TMEM19: variants seen among roughly 807,000 people sequenced by gnomAD.
TMEM19 encodes transmembrane protein 19.
TMEM19 carries 21 observed loss-of-function variants against 33.6 expected under a neutral mutation model. The ratio of observed to expected loss-of-function variants is 0.62; its 90% CI spans 0.44 to 0.90. The LOEUF (loss-of-function observed/expected upper bound fraction) is 0.90, where lower values mean the gene tolerates loss of function less well. Among genes scored for constraint, TMEM19 ranks in the 40% least tolerant of loss-of-function variants. The probability of loss-of-function intolerance (pLI) is 0.00; values close to 1 mark genes in which losing one functional copy is unlikely to be tolerated. For missense variants in TMEM19, 402 were observed against 401.8 expected (o/e 1.00, Z 0.00); for synonymous variants, 149 against 147.5 (o/e 1.01, Z -0.07).
intron 1 of TMEM19, among the ~76,000 whole-genome samples, chr12:71,687,848 A>G (rs1040600118): frequency 6.6e-6 from 1 of 152,206 alleles, no homozygotes; most frequent in Admixed American, 6.5e-5. Context: ...CAAAGGAAAA[A>G]TGAAAAGGAG....
chr12:71,701,153 C>A lies in TMEM19; in HGVS notation c.*158C>A, dbSNP rs187226809. ...TTTCACATTTTCCTCTCATCAACTC[C>A]CCTGTAATAGCTAGCGTCTTTCTAG... On this transcript the variant is annotated 3_prime_UTR_variant, in exon 6 of 6. Transcript: ENST00000266673. 1.3e-3 allele frequency: 811 copies of A among 645,212 alleles called. No homozygotes were observed. The highest frequency in any genetic ancestry group is 2.8e-3 in the Admixed American group (79 of 28,208). 40.0% of individuals were successfully genotyped at this position (645,212 alleles called of 1,614,324 possible). A position where few individuals can be genotyped will look rare whatever the true frequency, so the allele number is the denominator to read the frequency against.
rs1460652175 is a variant in TMEM19 at position 71,686,104 on chromosome 12, T to TAGAGGCGGGGGCGCCG, written c.-576_-561dup. 1 of 159,326 alleles carries TAGAGGCGGGGGCGCCG rather than the reference T, an allele frequency of 6.3e-6. No individual in the cohort carries two copies. Among genetic ancestry groups the TAGAGGCGGGGGCGCCG allele is most frequent in the Non-Finnish European group, 1.4e-5 (1 of 73,180 alleles). The allele number at this position is 159,326 out of a possible 1,614,324, so 9.9% of individuals were successfully genotyped here. On this transcript the variant is annotated 5_prime_UTR_variant, in exon 1 of 6. An upstream open reading frame in the 5' UTR loses its in-frame stop. Transcript: ENST00000266673. ...CGCATGCCCACAGCGGGCGAGGCGC[T>TAGAGGCGGGGGCGCCG]AGAGGCGGGGGCGCCGGGAGGCGCG...
intron 4 of TMEM19, 92 bp downstream of exon 4, chr12:71,697,626 T>C: frequency 1.4e-6 from 2 of 1,464,394 alleles, no homozygotes; most frequent in South Asian, 2.9e-5. Context: ...CCTCTTGATG[T>C]AATGTATTTT....
At chr12:71,694,628 G>C (rs182551709) in intron 2 of TMEM19, among the ~76,000 whole-genome samples, 104 of 152,324 alleles carry the variant, frequency 6.8e-4, no homozygotes, top group African/African-American at 2.4e-3. Context: ...ATTATAATTA[G>C]AAGGCTGCTT....
At position 71,686,470 on chromosome 12, in the gene TMEM19, G is replaced by A; in HGVS notation, c.-211G>A. On this transcript the variant is annotated 5_prime_UTR_variant, in exon 1 of 6. Transcript: ENST00000266673. ...GGTTGCGCTCTGCTTTTGCGGTGAG[G>A]CGTTGACCACGCCCATATGAATTGG... is the stretch of plus-strand genomic sequence containing the variant. 1 of 454,914 alleles carries A rather than the reference G, an allele frequency of 2.2e-6. No homozygotes were observed. The allele number at this position is 454,914 out of a possible 1,614,324, so 28.2% of individuals were successfully genotyped here.
At position 71,702,163 on chromosome 12, in the gene TMEM19, T is replaced by C. The variant is rs1264005166; in HGVS notation, c.*1168T>C. Reference sequence around the variant, plus strand: ...GATAATGCTTAGAATTCTTTATTGGTGGCCCTACTATGGTGATGATCTAGA... The same window carrying C: ...GATAATGCTTAGAATTCTTTATTGGCGGCCCTACTATGGTGATGATCTAGA... On this transcript the variant is annotated 3_prime_UTR_variant, in exon 6 of 6. Transcript: ENST00000266673. 1 of 152,214 alleles carries C rather than the reference T, an allele frequency of 6.6e-6. No homozygotes were observed. The highest frequency in any genetic ancestry group is 1.5e-5 in the Non-Finnish European group (1 of 68,036). 9.4% of individuals were successfully genotyped at this position (152,214 alleles called of 1,614,324 possible). A position where few individuals can be genotyped will look rare whatever the true frequency, so the allele number is the denominator to read the frequency against.
At chr12:71,696,636 TTTTTG>T in intron 3 of TMEM19, 63 bp downstream of exon 3, 7 of 1,353,302 alleles carry the variant, frequency 5.2e-6, no homozygotes, top group Middle Eastern at 2.7e-4. Context: ...ATAAGGTTTT[TTTTTG>T]TTTTTGTTTT....
chr12:71,695,953 A>G (rs1881863233), intron 2 of TMEM19, among the ~76,000 whole-genome samples: 1 of 152,182 alleles, frequency 6.6e-6, no homozygotes, highest in Non-Finnish European at 1.5e-5. Flanking sequence ...TATCTCTGGA[A>G]GGGTCAATGA....
chr12:71,691,605 C>CAAAA (rs57138830), intron 2 of TMEM19, among the ~76,000 whole-genome samples: 103 of 49,482 alleles, frequency 2.1e-3, no homozygotes, highest in Non-Finnish European at 3.3e-3. Flanking sequence ...TTCACCTCTA[C>CAAAA]AAAAAAAAAA....
At chr12:71,700,750 TAAAAAAA>T in intron 5 of TMEM19, 75 bp from the exon 6 acceptor site, 3 of 1,088,660 alleles carry the variant, frequency 2.8e-6, no homozygotes, top group Non-Finnish European at 3.6e-6. Context: ...TAAAGTATAA[TAAAAAAA>T]AAAAAAAAGA....
At chr12:71,686,860 T>G (rs1375552848) in intron 1 of TMEM19, 50 bp downstream of exon 1, 1 of 1,543,634 alleles carries the variant, frequency 6.5e-7, no homozygotes, top group Non-Finnish European at 8.7e-7. Flanking sequence ...TCAGAGGAAA[T>G]TAAAACCATA....
chr12:71,700,717 T>C, intron 5 of TMEM19, 115 bp from the exon 6 acceptor site: 1 of 1,026,892 alleles, frequency 9.7e-7, no homozygotes, highest in East Asian at 3.0e-5. Context: ...TTTTTTAAAA[T>C]CAAGTACATG....
intron 4 of TMEM19, among the ~76,000 whole-genome samples, chr12:71,698,034 G>A (rs1423424418): frequency 6.6e-6 from 1 of 152,118 alleles, no homozygotes; most frequent in African/African-American, 2.4e-5. Flanking sequence ...TTCAGATTCG[G>A]GATGTTCAAC....
intron 4 of TMEM19, among the ~76,000 whole-genome samples, chr12:71,698,525 G>T (rs1427300035): frequency 1.3e-5 from 2 of 151,944 alleles, no homozygotes; most frequent in Admixed American, 1.3e-4. Context: ...GATCACTTGA[G>T]CCTGGAGTTG....
intron 1 of TMEM19, 33 bp from the exon 2 acceptor site, chr12:71,689,558 C>A: frequency 1.3e-6 from 2 of 1,573,130 alleles, no homozygotes; most frequent in Non-Finnish European, 1.8e-6. Context: ...GCAAACTTCA[C>A]ACAATTTGTG....
chr12:71,696,777 G>A (rs749209529), intron 3 of TMEM19, among the ~76,000 whole-genome samples: 4 of 151,880 alleles, frequency 2.6e-5, no homozygotes, highest in South Asian at 2.1e-4. Flanking sequence ...TTCCTGAGTA[G>A]CTGGGACTAC....
rs368836018 is a variant in TMEM19 at position 71,693,122 on chromosome 12, G to T, written c.245-3314G>T. Among the ~76,000 whole-genome samples the T allele has an allele frequency of 6.6e-5, 10 of 152,020 alleles. No individual in the cohort carries two copies. The South Asian group carries it at 1.0e-3, about 16-fold the overall frequency. On this transcript the variant is annotated intron_variant, in intron 2 of 5. Transcript: ENST00000266673. ...AGGCAGGAGAACCGCTTGAACCCAGGAGGCAGAGGCTGCAGTGAGCTGAGA... is the reference window on the plus strand; with the variant it reads ...AGGCAGGAGAACCGCTTGAACCCAGTAGGCAGAGGCTGCAGTGAGCTGAGA...
At chr12:71,690,875 A>G (rs1263709725) in intron 2 of TMEM19, among the ~76,000 whole-genome samples, 5 of 152,250 alleles carry the variant, frequency 3.3e-5, no homozygotes, top group African/African-American at 1.2e-4. Flanking sequence ...TAGTAACGAT[A>G]GGAAAAGAAG....
intron 4 of TMEM19, 75 bp downstream of exon 4, chr12:71,697,609 C>CA (rs1881898401): frequency 6.7e-7 from 1 of 1,486,572 alleles, no homozygotes; most frequent in Non-Finnish European, 8.9e-7. Flanking sequence ...TTAAAAAAAC[C>CA]AAAAAACCTC....
Sources: allele counts gnomAD v4.1 joint callset (sites outside exome capture counted in the v4.1 genomes callset), GRCh38; gene constraint gnomAD v4.1.1; transcripts MANE v1.5; gene names NCBI Gene and HGNC (gene_info 2026-07-23, HGNC 2026-07-21).